RAD51B: variants seen among roughly 807,000 people sequenced by gnomAD.
RAD51B encodes RAD51 paralog B.
Under a neutral mutation model 42.2 loss-of-function variants are expected in RAD51B, and 38 were observed. The ratio of observed to expected loss-of-function variants is 0.90; its 90% CI spans 0.70 to 1.18. The LOEUF (loss-of-function observed/expected upper bound fraction) is 1.18, where lower values mean the gene tolerates loss of function less well. RAD51B is among the 50% of genes most tolerant of loss of function. The pLI is 0.00. For synonymous variants in RAD51B, 154 were observed against 145.2 expected, an observed-to-expected ratio of 1.06 and a Z score of -0.43; for missense variants, 373 against 400.7, an observed-to-expected ratio of 0.93 and a Z score of 0.59.
intron 10 of RAD51B, among the ~76,000 whole-genome samples, chr14:68,586,998 C>T (rs1890517467): frequency 1.3e-5 from 2 of 151,548 alleles, no homozygotes; most frequent in South Asian, 4.2e-4. Context: ...CATTGTACTC[C>T]AGCCAACAAG....
intron 7 of RAD51B, among the ~76,000 whole-genome samples, chr14:68,116,517 T>C (rs1015886303): frequency 6.6e-6 from 1 of 152,162 alleles, no homozygotes; most frequent in Non-Finnish European, 1.5e-5. Flanking sequence ...TTTTTTCAGC[T>C]TTCATAGGAA....
intron 7 of RAD51B, among the ~76,000 whole-genome samples, chr14:68,072,284 T>TTA (rs373140864): frequency 8.1e-5 from 12 of 148,228 alleles, no homozygotes; most frequent in African/African-American, 2.2e-4. Context: ...TTATTAAGCA[T>TTA]TATATATATA....
intron 10 of RAD51B, among the ~76,000 whole-genome samples, chr14:68,515,367 C>T (rs1033684488): frequency 5.3e-5 from 8 of 151,334 alleles, no homozygotes; most frequent in African/African-American, 9.7e-5. Flanking sequence ...CTATGAGCAA[C>T]GGGACAAAGA....
At chr14:68,403,740 G>A (rs1309322465) in intron 8 of RAD51B, among the ~76,000 whole-genome samples, 1 of 152,206 alleles carries the variant, frequency 6.6e-6, no homozygotes, top group Non-Finnish European at 1.5e-5. Context: ...TCCAAATCAT[G>A]TGTTTTAACC....
At chr14:68,511,223 A>T (rs1885705452) in intron 10 of RAD51B, among the ~76,000 whole-genome samples, 1 of 152,190 alleles carries the variant, frequency 6.6e-6, no homozygotes, top group African/African-American at 2.4e-5. Context: ...AAGTGGACAG[A>T]GGAATGATCC....
intron 7 of RAD51B, among the ~76,000 whole-genome samples, chr14:68,193,122 A>G (rs2079300538): frequency 1.3e-5 from 2 of 152,160 alleles, no homozygotes; most frequent in African/African-American, 4.8e-5. Context: ...CACAGGTTTC[A>G]TGTGCTTCCC....
chr14:67,894,985 G>A (rs529625987), intron 7 of RAD51B, among the ~76,000 whole-genome samples: 6 of 152,182 alleles, frequency 3.9e-5, no homozygotes, highest in African/African-American at 1.4e-4. Context: ...ATGTTGCCCA[G>A]GCTGGTCTTG....
intron 8 of RAD51B, among the ~76,000 whole-genome samples, chr14:68,309,008 G>T (rs1018657526): frequency 2.0e-5 from 3 of 152,180 alleles, no homozygotes; most frequent in African/African-American, 7.2e-5. Flanking sequence ...CATAACACCA[G>T]TTATTTCACT....
chr14:68,631,222 A>T (rs977170962), intron 10 of RAD51B, among the ~76,000 whole-genome samples: 1 of 152,212 alleles, frequency 6.6e-6, no homozygotes, highest in African/African-American at 2.4e-5. Flanking sequence ...TGTAGTTGGG[A>T]TATACTGGAT....
At chr14:68,199,032 C>T (rs984759083) in intron 7 of RAD51B, among the ~76,000 whole-genome samples, 1 of 152,184 alleles carries the variant, frequency 6.6e-6, no homozygotes, top group Non-Finnish European at 1.5e-5. Flanking sequence ...TCCAGCTATT[C>T]GTAGATAGCT....
exon 11 of RAD51B, chr14:68,595,968 C>G: frequency 6.6e-6 from 2 of 302,878 alleles, no homozygotes; most frequent in Non-Finnish European, 9.0e-6. Context: ...TTTTTTTTTT[C>G]AAGTTTCCTC....
At chr14:67,949,311 G>A (rs546535708) in intron 7 of RAD51B, among the ~76,000 whole-genome samples, 114 of 152,264 alleles carry the variant, frequency 7.5e-4, no homozygotes, top group African/African-American at 2.6e-3. Context: ...CTAAATTTAT[G>A]AAATATTCTA....
chr14:68,619,092 A>G (rs1293379733), intron 10 of RAD51B, among the ~76,000 whole-genome samples: 1 of 152,076 alleles, frequency 6.6e-6, no homozygotes, highest in Non-Finnish European at 1.5e-5. Flanking sequence ...CACACAAGGG[A>G]CTCTTTTCCC....
intron 10 of RAD51B, among the ~76,000 whole-genome samples, chr14:68,603,960 C>G (rs1157519949): frequency 6.6e-6 from 1 of 152,260 alleles, no homozygotes; most frequent in Non-Finnish European, 1.5e-5. Context: ...AGCGTTCACT[C>G]TAGCCCAAAT....
In RAD51B at chr14:68,473,528, C is replaced by G. The variant is rs377266075; in HGVS notation, c.1037-4120C>G. On this transcript the variant is annotated intron_variant, in intron 10 of 10. Coordinates refer to ENST00000471583, the MANE Select transcript of RAD51B (RefSeq NM_133510.4). ...TCCATGACATCTTCTCACACAGGCT[C>G]TCTGCTTTGTTTACTTTTTTTTTCT... Among the ~76,000 whole-genome samples the G allele has an allele frequency of 1.5e-4, 23 of 150,136 alleles. No individual in the cohort carries two copies. The East Asian group carries it at 3.5e-3, about 23-fold the overall frequency.
At chr14:68,295,443 G>C (rs545609592) in intron 8 of RAD51B, among the ~76,000 whole-genome samples, 1 of 152,186 alleles carries the variant, frequency 6.6e-6, no homozygotes, top group Non-Finnish European at 1.5e-5. Context: ...TTAAAGGAGC[G>C]TGAGAGAGCA....
At chr14:67,977,391 AT>A (rs1461585072) in intron 7 of RAD51B, among the ~76,000 whole-genome samples, 2 of 152,232 alleles carry the variant, frequency 1.3e-5, no homozygotes, top group Non-Finnish European at 2.9e-5. Context: ...CTGAAGAAAC[AT>A]TGCTGTATGA....
intron 7 of RAD51B, among the ~76,000 whole-genome samples, chr14:68,275,771 A>G (rs2081208818): frequency 6.6e-6 from 1 of 150,388 alleles, no homozygotes; most frequent in Non-Finnish European, 1.5e-5. Context: ...TTTAGCTTCT[A>G]AATACAGTTT....
rs180701482 is a variant in RAD51B, at chr14:68,238,290, A to T, written c.757-53594A>T. Among the ~76,000 whole-genome samples the T allele has an allele frequency of 5.5e-3, 838 of 152,076 alleles. 6 individuals carry two copies. Among genetic ancestry groups the T allele is most frequent in the African/African-American group, 7.4e-3 (308 of 41,506 alleles). ...AAAATAGAATTCCTTAGTTTAGTTT[A>T]GTTTTGTTTTGTTGTTTTTTTGTTT... On this transcript the variant is annotated intron_variant, in intron 7 of 10. Coordinates refer to ENST00000471583, the MANE Select transcript of RAD51B (RefSeq NM_133510.4).
Sources: allele counts gnomAD v4.1 joint callset (sites outside exome capture counted in the v4.1 genomes callset), GRCh38; gene constraint gnomAD v4.1.1; transcripts MANE v1.5; gene names NCBI Gene and HGNC (gene_info 2026-07-23, HGNC 2026-07-21).